RANBP2: variants seen among roughly 807,000 people sequenced by gnomAD.
RANBP2 encodes the protein RAN binding protein 2, also known as E3 SUMO-protein ligase RanBP2.
RANBP2 carries 57 observed loss-of-function variants against 303.6 expected under a neutral mutation model. The ratio of observed to expected loss-of-function variants is 0.19; its 90% CI spans 0.15 to 0.23. The LOEUF is 0.23. Ranked by LOEUF, RANBP2 falls within the 10% of genes least tolerant of loss-of-function variation. The probability of loss-of-function intolerance (pLI) is 1.00; values close to 1 mark genes in which losing one functional copy is unlikely to be tolerated. For missense variants in RANBP2, 3,138 were observed against 3,780.8 expected (o/e 0.83, Z 4.46); for synonymous variants, 1,167 against 1,301.5 (o/e 0.90, Z 2.23).
chr2:109,538,585 C>T, the RANBP2 span, among the ~76,000 whole-genome samples: 15 of 152,216 alleles, frequency 9.9e-5, no homozygotes, highest in African/African-American at 2.2e-4. Flanking sequence ...GGCATGATCT[C>T]GGCTTACCAC....
At chr2:109,139,379 C>A in the RANBP2 span, among the ~76,000 whole-genome samples, 4 of 151,890 alleles carry the variant, frequency 2.6e-5, no homozygotes, top group African/African-American at 9.7e-5. Flanking sequence ...TTGTCTGGAC[C>A]AAGTTTGTAG....
intron 1 of RANBP2, among the ~76,000 whole-genome samples, chr2:108,724,085 C>T (rs1485309518): frequency 6.6e-6 from 1 of 152,186 alleles, no homozygotes; most frequent in Non-Finnish European, 1.5e-5. Context: ...TATCTCATGT[C>T]CTCTTCATTT....
the RANBP2 span, among the ~76,000 whole-genome samples, chr2:108,938,483 T>G: frequency 0.015 from 2,281 of 152,334 alleles, 27 homozygotes; most frequent in South Asian, 0.03. Context: ...CTTGGAGGAT[T>G]GCTCACGAAA....
intron 1 of RANBP2, 50 bp downstream of exon 1, chr2:108,719,728 C>T (rs1694060403): frequency 1.3e-6 from 2 of 1,553,404 alleles, no homozygotes; most frequent in Non-Finnish European, 1.7e-6. Flanking sequence ...CGGGCGGCGG[C>T]CTCGCGCTGC....
chr2:108,926,168 TGG>T, the RANBP2 span, among the ~76,000 whole-genome samples: 6 of 152,248 alleles, frequency 3.9e-5, no homozygotes, highest in African/African-American at 1.4e-4. Flanking sequence ...TTTTTCTGCC[TGG>T]GCTTGTCACC....
At chr2:109,509,195 C>G in the RANBP2 span, among the ~76,000 whole-genome samples, 1 of 152,142 alleles carries the variant, frequency 6.6e-6, no homozygotes, top group African/African-American at 2.4e-5. Context: ...TGAATCCAGG[C>G]AAGAGGACCC....
At chr2:109,197,163 G>GC in the RANBP2 span, among the ~76,000 whole-genome samples, 2 of 152,216 alleles carry the variant, frequency 1.3e-5, no homozygotes, top group Admixed American at 6.5e-5. Flanking sequence ...TCCTGCTGCA[G>GC]CCCTGCGGCC....
the RANBP2 span, among the ~76,000 whole-genome samples, chr2:109,493,135 C>A: frequency 2.0e-3 from 221 of 110,352 alleles, 2 homozygotes; most frequent in African/African-American, 6.8e-3. Flanking sequence ...CACACATACC[C>A]CACATACATC....
At chr2:109,561,729 G>A in the RANBP2 span, among the ~76,000 whole-genome samples, 3 of 152,206 alleles carry the variant, frequency 2.0e-5, no homozygotes, top group African/African-American at 7.2e-5. Flanking sequence ...GGTCAATAAC[G>A]ATCACCACCA....
the RANBP2 span, chr2:109,545,735 G>A: frequency 0.25 from 352,713 of 1,431,098 alleles, 47,157 homozygotes; most frequent in Non-Finnish European, 0.27. Context: ...CTAGGGCCAC[G>A]GCTGGGCTAT....
chr2:108,797,470 T>C, the RANBP2 span, among the ~76,000 whole-genome samples: 1 of 152,050 alleles, frequency 6.6e-6, no homozygotes, highest in South Asian at 2.1e-4. Context: ...CAGTCTTAAG[T>C]GAGTTGAGGA....
the RANBP2 span, chr2:108,896,687 G>A: frequency 1.7e-6 from 1 of 578,098 alleles, no homozygotes; most frequent in East Asian, 2.9e-5. Flanking sequence ...TGCCTGGTGA[G>A]GTACAGGCGA....
the RANBP2 span, among the ~76,000 whole-genome samples, chr2:109,053,422 C>T: frequency 7.0e-4 from 106 of 152,328 alleles, no homozygotes; most frequent in African/African-American, 2.2e-3. Context: ...TGGGGTTCTG[C>T]CCCAGTCCCC....
chr2:109,206,995 A>G, the RANBP2 span, among the ~76,000 whole-genome samples: 3 of 152,282 alleles, frequency 2.0e-5, no homozygotes, highest in South Asian at 6.2e-4. Context: ...TGTTTGGCTG[A>G]GCGCTGCATT....
At chr2:108,834,407 G>A in the RANBP2 span, among the ~76,000 whole-genome samples, 2 of 151,906 alleles carry the variant, frequency 1.3e-5, no homozygotes, top group East Asian at 3.9e-4. Context: ...ACAGATGGGG[G>A]TTTCACCATG....
At chr2:109,316,820 C>T in the RANBP2 span, among the ~76,000 whole-genome samples, 1 of 152,212 alleles carries the variant, frequency 6.6e-6, no homozygotes, top group Non-Finnish European at 1.5e-5. Flanking sequence ...TCCCTGGCCT[C>T]ACCCTCTGGC....
At chr2:109,479,975 A>C in the RANBP2 span, among the ~76,000 whole-genome samples, 1 of 152,090 alleles carries the variant, frequency 6.6e-6, no homozygotes, top group Non-Finnish European at 1.5e-5. Flanking sequence ...TATGCAGGTG[A>C]CATGTCCCCT....
chr2:109,250,572 C>T, the RANBP2 span, among the ~76,000 whole-genome samples: 1 of 151,554 alleles, frequency 6.6e-6, no homozygotes, highest in African/African-American at 2.4e-5. Context: ...ATGATAAATA[C>T]AGAAAAACCT....
chr2:109,251,723 T>C, the RANBP2 span: 2 of 736,724 alleles, frequency 2.7e-6, no homozygotes, highest in Non-Finnish European at 4.6e-6. Flanking sequence ...AAAAATTAGG[T>C]CGTGTACATT....
Sources: gnomAD v4.1 joint callset for allele counts (sites outside exome capture counted in the v4.1 genomes callset) on GRCh38, gnomAD v4.1.1 for gene constraint, MANE v1.5 for transcripts, NCBI Gene and HGNC (gene_info 2026-07-23, HGNC 2026-07-21) for gene names.